MAST4: variants seen among roughly 807,000 people sequenced by gnomAD.
MAST4 encodes microtubule-associated serine/threonine-protein kinase 4.
MAST4 carries 89 observed loss-of-function variants against 162.7 expected under a neutral mutation model. The observed-to-expected ratio is 0.55, with a 90% confidence interval of 0.46 to 0.65. MAST4 has a LOEUF of 0.65. Ranked by LOEUF, MAST4 falls within the 30% of genes least tolerant of loss-of-function variation. The pLI is 0.00. For synonymous variants in MAST4, 1,479 were observed against 1,361.1 expected (o/e 1.09, Z -1.91); for missense variants, 3,153 against 3,374.0 (o/e 0.93, Z 1.62).
In MAST4 at chr5:66,979,424, C is replaced by A. The variant is rs1026414681; in HGVS notation, c.675-74980C>A. Among the ~76,000 whole-genome samples the A allele has an allele frequency of 1.8e-4, 27 of 152,110 alleles. 1 individual carries two copies. Among genetic ancestry groups the A allele is most frequent in the Non-Finnish European group, 1.5e-5 (1 of 68,020 alleles). ...TTTGGGGAAGCATGTTCAGCTGCAA[C>A]CTGCAACTGAGATTTCTTGAGTTCA... is the stretch of plus-strand genomic sequence containing the variant. On this transcript the variant is annotated intron_variant, in intron 4 of 28. Coordinates refer to ENST00000403625, the MANE Select transcript of MAST4 (RefSeq NM_001164664.2).
chr5:67,116,496 G>A (rs952809326), intron 12 of MAST4, among the ~76,000 whole-genome samples: 1 of 151,794 alleles, frequency 6.6e-6, no homozygotes. Context: ...GTGAGCCACC[G>A]CACCTGGCCT....
intron 4 of MAST4, among the ~76,000 whole-genome samples, chr5:66,958,163 AAG>A (rs901662395): frequency 1.5e-4 from 23 of 152,026 alleles, no homozygotes; most frequent in Admixed American, 1.2e-3. Flanking sequence ...GAGAGAGAGA[AAG>A]AGAGAGAAAG....
At chr5:66,856,524 T>C (rs1036658547) in intron 3 of MAST4, among the ~76,000 whole-genome samples, 1 of 152,242 alleles carries the variant, frequency 6.6e-6, no homozygotes, top group Non-Finnish European at 1.5e-5. Flanking sequence ...AAGTGAGATA[T>C]TGGTCTCAGT....
At chr5:67,029,732 T>C (rs1327983199) in intron 4 of MAST4, among the ~76,000 whole-genome samples, 1 of 152,106 alleles carries the variant, frequency 6.6e-6, no homozygotes, top group Non-Finnish European at 1.5e-5. Flanking sequence ...CCATGAAGAA[T>C]GAAAGTGAGG....
chr5:66,802,085 T>C (rs908793725), intron 3 of MAST4, among the ~76,000 whole-genome samples: 2 of 152,212 alleles, frequency 1.3e-5, no homozygotes, highest in Non-Finnish European at 2.9e-5. Flanking sequence ...AGCCCTCTTA[T>C]CGCAATTAAT....
chr5:67,166,072 TG>T lies in MAST4; in HGVS notation c.6895del (p.Glu2299ArgfsTer41), dbSNP rs768990289. The T allele has an allele frequency of 5.0e-6, 8 of 1,613,278 alleles. No individual in the cohort carries two copies. In the Admixed American group the frequency reaches 1.3e-4, roughly 27 times the overall value. ...AGTGGTGGGCGGCCCCTGGAGGTGC[TG>T]GAGAAGCCTGTGCATTTGCCAAGGC... ...PTSGGRPLEV[L>X]EKPVHLPRPG... On this transcript the variant is annotated frameshift_variant, in exon 29 of 29. Transcript: ENST00000403625. LOFTEE classifies it low-confidence loss of function (END_TRUNC).
At chr5:67,053,075 A>G (rs1279486335) in intron 4 of MAST4, among the ~76,000 whole-genome samples, 4 of 152,176 alleles carry the variant, frequency 2.6e-5, no homozygotes, top group African/African-American at 9.7e-5. Context: ...CTTATTAACA[A>G]CTGCTTTAAG....
At chr5:66,742,258 T>C (rs1752516056) in intron 1 of MAST4, among the ~76,000 whole-genome samples, 1 of 152,160 alleles carries the variant, frequency 6.6e-6, no homozygotes, top group African/African-American at 2.4e-5. Flanking sequence ...TTTTCAGAGT[T>C]CATAAGATGC....
At chr5:67,141,780 G>T (rs748947218) in intron 19 of MAST4, among the ~76,000 whole-genome samples, 2 of 152,170 alleles carry the variant, frequency 1.3e-5, no homozygotes, top group Non-Finnish European at 2.9e-5. Context: ...GAGTGAGTCT[G>T]CTGTGGGCCA....
chr5:66,993,434 T>G (rs923960635), intron 4 of MAST4, among the ~76,000 whole-genome samples: 1 of 152,220 alleles, frequency 6.6e-6, no homozygotes, highest in African/African-American at 2.4e-5. Flanking sequence ...GCATTAGACC[T>G]GTAAACACAT....
chr5:67,033,568 A>G (rs773626751), intron 4 of MAST4, among the ~76,000 whole-genome samples: 1 of 152,166 alleles, frequency 6.6e-6, no homozygotes, highest in Non-Finnish European at 1.5e-5. Context: ...GCTGAGTGTT[A>G]GTTTACATTA....
At chr5:67,032,560 T>C (rs1250822838) in intron 4 of MAST4, among the ~76,000 whole-genome samples, 1 of 152,106 alleles carries the variant, frequency 6.6e-6, no homozygotes, top group East Asian at 1.9e-4. Flanking sequence ...TTAAACGCCA[T>C]TTTTATTTTG....
chr5:67,160,487 C>T lies in MAST4; in HGVS notation c.3680C>T (p.Pro1227Leu), dbSNP rs886353234. The change falls in exon 27 of 29, where the codon CCA becomes CTA. Residue 1227 changes from proline to leucine, a missense_variant. Coordinates refer to ENST00000403625, the MANE Select transcript of MAST4 (RefSeq NM_001164664.2). ...SGNKVSITTT[P>L]FENTSIKTGP... ...AATAAGGTGTCAATCACTACTACCC[C>T]ATTTGAAAACACATCAATCAAAACT... is the stretch of plus-strand genomic sequence containing the variant. 5 of 1,613,742 alleles carry T rather than the reference C, an allele frequency of 3.1e-6. No individual in the cohort carries two copies. Among genetic ancestry groups the T allele is most frequent in the African/African-American group, 1.3e-5 (1 of 74,908 alleles).
At position 66,678,742 on chromosome 5, in the gene MAST4, C is replaced by T. The variant is rs1285280821; in HGVS notation, c.364-80967C>T. 2.0e-5 allele frequency among the ~76,000 whole-genome samples: 3 copies of T among 151,930 alleles called. No homozygotes were observed. The East Asian group carries it at 5.8e-4, about 29-fold the overall frequency. ...TCTCTTGATCTCGTGATCTTCCCACCTTGGCCTCCCACAGTGCTGGATTAC... is the reference window on the plus strand; with the variant it reads ...TCTCTTGATCTCGTGATCTTCCCACTTTGGCCTCCCACAGTGCTGGATTAC... On this transcript the variant is annotated intron_variant, in intron 1 of 28. Transcript: ENST00000403625.
At position 67,145,124 on chromosome 5, in the gene MAST4, T is replaced by C; in HGVS notation, c.2859-20T>C. On this transcript the variant is annotated intron_variant, in intron 22 of 28. Coordinates refer to ENST00000403625, the MANE Select transcript of MAST4 (RefSeq NM_001164664.2). ...GTTTTCTAGTATGTATATATGACTT[T>C]GTTTTTGCTTTTAATTAAGGCAACA... is the stretch of plus-strand genomic sequence containing the variant. 6.4e-7 allele frequency: 1 copy of C among 1,563,868 alleles called. No individual in the cohort carries two copies. Among genetic ancestry groups the C allele is most frequent in the Non-Finnish European group, 8.7e-7 (1 of 1,146,374 alleles).
chr5:67,132,631 A>G (rs185970928), intron 16 of MAST4, among the ~76,000 whole-genome samples: 1 of 151,576 alleles, frequency 6.6e-6, no homozygotes, highest in African/African-American at 2.4e-5. Context: ...ATACAGATAG[A>G]CTTTTTTCCC....
chr5:67,064,156 G>A (rs971593099), intron 5 of MAST4, among the ~76,000 whole-genome samples: 1 of 152,154 alleles, frequency 6.6e-6, no homozygotes, highest in Non-Finnish European at 1.5e-5. Context: ...TGAAAGGAGA[G>A]TTGGAGTGAG....
chr5:66,865,651 C>T (rs1323764362), intron 3 of MAST4, among the ~76,000 whole-genome samples: 1 of 152,120 alleles, frequency 6.6e-6, no homozygotes, highest in Admixed American at 6.5e-5. Flanking sequence ...GTTTAGGACA[C>T]AACCTAAAGC....
At chr5:67,101,920 A>G (rs1437264951) in intron 8 of MAST4, among the ~76,000 whole-genome samples, 1 of 151,672 alleles carries the variant, frequency 6.6e-6, no homozygotes, top group Non-Finnish European at 1.5e-5. Context: ...CTAGGAAGGA[A>G]GATAAACCTA....
Sources: allele counts gnomAD v4.1 joint callset (sites outside exome capture counted in the v4.1 genomes callset), GRCh38; gene constraint gnomAD v4.1.1; transcripts MANE v1.5; gene names NCBI Gene and HGNC (gene_info 2026-07-23, HGNC 2026-07-21).